FGF7: variants seen among roughly 807,000 people sequenced by gnomAD.
FGF7 encodes fibroblast growth factor 7, also known as FGF-7.
Under a neutral mutation model 20.5 loss-of-function variants are expected in FGF7, and 6 were observed. That is an observed-to-expected ratio of 0.29 (90% confidence interval 0.16 to 0.58). The LOEUF is 0.58. Among genes scored for constraint, FGF7 ranks in the 20% least tolerant of loss-of-function variants. The probability of loss-of-function intolerance (pLI) is 0.90; values close to 1 mark genes in which losing one functional copy is unlikely to be tolerated. For synonymous variants in FGF7, 64 were observed against 74.7 expected (o/e 0.86, Z 0.74); for missense variants, 144 against 228.8 (o/e 0.63, Z 2.39).
intron 2 of FGF7, among the ~76,000 whole-genome samples, chr15:49,464,119 C>T (rs2054055711): frequency 6.6e-6 from 1 of 152,010 alleles, no homozygotes; most frequent in Non-Finnish European, 1.5e-5. Context: ...TGATAAGCCT[C>T]ATGAAGGATG....
chr15:49,474,669 C>T (rs1007072982), intron 2 of FGF7, among the ~76,000 whole-genome samples: 2 of 152,040 alleles, frequency 1.3e-5, no homozygotes, highest in African/African-American at 4.8e-5. Context: ...GGTACTGGTC[C>T]ATGGCCTGTT....
At chr15:49,432,158 C>T (rs960269730) in intron 2 of FGF7, among the ~76,000 whole-genome samples, 1 of 151,652 alleles carries the variant, frequency 6.6e-6, no homozygotes, top group South Asian at 2.1e-4. Context: ...TAATATTTCC[C>T]ATTTTATCTG....
At chr15:49,461,731 T>C (rs2053817627) in intron 2 of FGF7, among the ~76,000 whole-genome samples, 1 of 152,376 alleles carries the variant, frequency 6.6e-6, no homozygotes, top group South Asian at 2.1e-4. Flanking sequence ...TTATACTCCA[T>C]TAAAACTTAA....
At chr15:49,471,752 C>A (rs1040498761) in intron 2 of FGF7, among the ~76,000 whole-genome samples, 1 of 151,922 alleles carries the variant, frequency 6.6e-6, no homozygotes, top group Non-Finnish European at 1.5e-5. Context: ...TAGGTAATTT[C>A]TTGGCTAGGA....
At chr15:49,445,878 A>G (rs924475947) in intron 2 of FGF7, among the ~76,000 whole-genome samples, 2 of 151,556 alleles carry the variant, frequency 1.3e-5, no homozygotes, top group African/African-American at 4.8e-5. Flanking sequence ...ATTTGAAATT[A>G]GATAGAAAGT....
At chr15:49,465,785 T>A (rs17401417) in intron 2 of FGF7, among the ~76,000 whole-genome samples, 41,974 of 152,118 alleles carry the variant, frequency 0.28, 6,019 homozygotes, top group East Asian at 0.38. Flanking sequence ...TGTTATTCAA[T>A]CTAACCTTAG....
At chr15:49,482,236 G>C (rs1338769152) in intron 2 of FGF7, among the ~76,000 whole-genome samples, 1 of 151,960 alleles carries the variant, frequency 6.6e-6, no homozygotes, top group East Asian at 1.9e-4. Context: ...TAAATATCTT[G>C]AGATTTTACT....
At chr15:49,427,577 C>T (rs2050234901) in intron 2 of FGF7, among the ~76,000 whole-genome samples, 1 of 151,968 alleles carries the variant, frequency 6.6e-6, no homozygotes, top group Admixed American at 6.6e-5. Flanking sequence ...AATATGCCAG[C>T]TATGCAAAAT....
At chr15:49,471,182 A>G (rs960152948) in intron 2 of FGF7, among the ~76,000 whole-genome samples, 2 of 152,152 alleles carry the variant, frequency 1.3e-5, no homozygotes, top group African/African-American at 4.8e-5. Flanking sequence ...CCAAACCATC[A>G]TTAAGAATAT....
At chr15:49,431,071 A>G (rs932853269) in intron 2 of FGF7, among the ~76,000 whole-genome samples, 13 of 151,886 alleles carry the variant, frequency 8.6e-5, no homozygotes, top group African/African-American at 2.9e-4. Flanking sequence ...ATTGGAATAC[A>G]ATACTTTTCC....
At chr15:49,481,114 G>A (rs2055903714) in intron 2 of FGF7, among the ~76,000 whole-genome samples, 2 of 152,026 alleles carry the variant, frequency 1.3e-5, no homozygotes, top group Admixed American at 1.3e-4. Context: ...GAGACTTGAA[G>A]GAAAAGAAAA....
intron 2 of FGF7, among the ~76,000 whole-genome samples, chr15:49,428,033 T>C (rs1385690106): frequency 6.6e-6 from 1 of 151,908 alleles, no homozygotes; most frequent in East Asian, 1.9e-4. Context: ...ACAGAAAGAG[T>C]GCATCAAGGA....
At chr15:49,445,243 A>G (rs2052078523) in intron 2 of FGF7, among the ~76,000 whole-genome samples, 1 of 151,600 alleles carries the variant, frequency 6.6e-6, no homozygotes, top group Non-Finnish European at 1.5e-5. Flanking sequence ...ATAGTACCCA[A>G]TAGTTAAGTT....
chr15:49,455,082 T>C (rs1196415529), intron 2 of FGF7, among the ~76,000 whole-genome samples: 1 of 151,742 alleles, frequency 6.6e-6, no homozygotes, highest in Non-Finnish European at 1.5e-5. Context: ...ACTTTACTTG[T>C]TTTAAAGCAT....
chr15:49,471,941 G>C (rs969418659), intron 2 of FGF7, among the ~76,000 whole-genome samples: 1 of 151,798 alleles, frequency 6.6e-6, no homozygotes, highest in African/African-American at 2.4e-5. Flanking sequence ...GTGAAGTTCT[G>C]GATAAGAAAG....
chr15:49,472,846 A>C (rs1186298986), intron 2 of FGF7, among the ~76,000 whole-genome samples: 2 of 152,254 alleles, frequency 1.3e-5, no homozygotes, highest in Non-Finnish European at 2.9e-5. Context: ...ATGACATTAC[A>C]GATGAAGACA....
intron 2 of FGF7, among the ~76,000 whole-genome samples, chr15:49,459,945 A>G (rs1411618431): frequency 2.0e-5 from 3 of 152,162 alleles, no homozygotes; most frequent in Non-Finnish European, 4.4e-5. Flanking sequence ...TTTCTTCTGG[A>G]GAGTCTGTTC....
Position 49,485,238 on chromosome 15 carries a change from T to A in FGF7, c.*734T>A, listed in dbSNP as rs2056308460. On this transcript the variant is annotated 3_prime_UTR_variant, in exon 4 of 4. Transcript: ENST00000267843. ...CAGTGATTGATGATAATACTGTACTTCATCTTACTTGCCACAAAATAACAT... is the reference window on the plus strand; with the variant it reads ...CAGTGATTGATGATAATACTGTACTACATCTTACTTGCCACAAAATAACAT... The A allele has an allele frequency of 6.6e-6, 1 of 152,276 alleles. No homozygotes were observed. The highest frequency in any genetic ancestry group is 2.4e-5 in the African/African-American group (1 of 41,314). The allele number at this position is 152,276 out of a possible 1,614,324, so 9.4% of individuals were successfully genotyped here. A position where few individuals can be genotyped will look rare whatever the true frequency, so the allele number is the denominator to read the frequency against.
At chr15:49,444,168 A>G (rs1352860638) in intron 2 of FGF7, among the ~76,000 whole-genome samples, 1 of 151,610 alleles carries the variant, frequency 6.6e-6, no homozygotes, top group Non-Finnish European at 1.5e-5. Context: ...AATGAGAACC[A>G]TATGTACTAT....
Sources: gnomAD v4.1 joint callset for allele counts (sites outside exome capture counted in the v4.1 genomes callset) on GRCh38, gnomAD v4.1.1 for gene constraint, MANE v1.5 for transcripts, NCBI Gene and HGNC (gene_info 2026-07-23, HGNC 2026-07-21) for gene names.